The following DNAH11 variants were observed in gnomAD, a reference collection of about 807,000 sequenced individuals.
The protein encoded by DNAH11 is axonemal beta dynein heavy chain 11.
DNAH11 carries 442 observed loss-of-function variants against 526.0 expected under a neutral mutation model. The ratio of observed to expected loss-of-function variants is 0.84; its 90% confidence interval spans 0.78 to 0.91. DNAH11 has a LOEUF of 0.91. DNAH11 is among the 40% of genes least tolerant of loss of function. The pLI, the probability that DNAH11 is intolerant of heterozygous loss-of-function variation, is 0.00. For synonymous variants in DNAH11, 2,461 were observed against 1,935.9 expected (o/e 1.27, Z -7.12); for missense variants, 6,989 against 5,448.7 (o/e 1.28, Z -8.90).
At position 21,875,952 on chromosome 7, in the gene DNAH11, C is replaced by T. The variant is rs534892074; in HGVS notation, c.12195+2451C>T. On this transcript the variant is annotated intron_variant, in intron 74 of 81. Transcript: ENST00000409508. Reference sequence around the variant, plus strand: ...AGGCTGGAGTGCAGTGGTACGATCTCGGCTCACTGCAAGCTCCGCCTCCCA... The same window carrying T: ...AGGCTGGAGTGCAGTGGTACGATCTTGGCTCACTGCAAGCTCCGCCTCCCA... Among the ~76,000 whole-genome samples the T allele has an allele frequency of 9.3e-4, 128 of 137,484 alleles. 1 individual carries two copies. Among genetic ancestry groups the T allele is most frequent in the African/African-American group, 3.5e-3 (123 of 35,158 alleles). 90.2% of individuals were successfully genotyped at this position (137,484 alleles called of 152,430 possible).
chr7:21,738,561 G>T, intron 46 of DNAH11, 140 bp from the exon 47 acceptor site: 1 of 764,836 alleles, frequency 1.3e-6, no homozygotes, highest in Non-Finnish European at 2.0e-6. Context: ...CACATCCCGG[G>T]TCTCTTAACC....
intron 61 of DNAH11, among the ~76,000 whole-genome samples, chr7:21,795,181 T>G (rs1341652283): frequency 6.6e-6 from 1 of 152,198 alleles, no homozygotes; most frequent in Non-Finnish European, 1.5e-5. Context: ...TTTTTTTACA[T>G]TTAACATTTA....
chr7:21,593,261 C>T (rs989315658), intron 14 of DNAH11, among the ~76,000 whole-genome samples: 2 of 152,088 alleles, frequency 1.3e-5, no homozygotes, highest in Non-Finnish European at 2.9e-5. Context: ...AAAATAAAGA[C>T]GGAGGCTAAC....
chr7:21,759,990 G>C (rs1786824895), intron 54 of DNAH11, among the ~76,000 whole-genome samples: 1 of 152,170 alleles, frequency 6.6e-6, no homozygotes, highest in Non-Finnish European at 1.5e-5. Context: ...CTTTTTACTT[G>C]TGAGAATTTG....
intron 65 of DNAH11, among the ~76,000 whole-genome samples, chr7:21,838,403 A>G (rs895437165): frequency 2.6e-5 from 4 of 152,226 alleles, no homozygotes; most frequent in Admixed American, 2.6e-4. Context: ...CACATATTAT[A>G]TAATTCACCC....
chr7:21,652,041 C>T (rs1405315857), intron 28 of DNAH11, among the ~76,000 whole-genome samples: 1 of 152,090 alleles, frequency 6.6e-6, no homozygotes, highest in Non-Finnish European at 1.5e-5. Context: ...GGAAGTGTAG[C>T]AAAGAAATGA....
intron 25 of DNAH11, among the ~76,000 whole-genome samples, chr7:21,635,494 T>C (rs992510962): frequency 6.6e-6 from 1 of 152,070 alleles, no homozygotes; most frequent in Non-Finnish European, 1.5e-5. Context: ...CTATACAATC[T>C]TGGCATGACT....
At position 21,617,481 on chromosome 7, in the gene DNAH11, G is replaced by A. The variant is rs1785830997; in HGVS notation, c.4096-138G>A. On this transcript the variant is annotated intron_variant, in intron 22 of 81. Coordinates refer to ENST00000409508, the MANE Select transcript of DNAH11 (RefSeq NM_001277115.2). The stretch of plus-strand genomic sequence containing the variant: ...GATCCCTTTTCGTTTCTCTGGTTTT[G>A]CTCCTTGGTCTAGGAGTTCAAATGC... 6 of 981,274 alleles carry A rather than the reference G, an allele frequency of 6.1e-6. No homozygotes were observed. In the East Asian group the frequency reaches 1.6e-4, roughly 26 times the overall value. 60.8% of individuals were successfully genotyped at this position (981,274 alleles called of 1,614,324 possible).
intron 56 of DNAH11, among the ~76,000 whole-genome samples, chr7:21,776,935 CGTGTGTGTGT>C (rs3061429): frequency 1.3e-5 from 2 of 149,686 alleles, no homozygotes; most frequent in African/African-American, 2.5e-5. Flanking sequence ...TTTATTTGTA[CGTGTGTGTGT>C]GTGTGTGTGT....
intron 54 of DNAH11, among the ~76,000 whole-genome samples, chr7:21,763,352 A>G (rs7806006): frequency 3.6e-5 from 4 of 112,334 alleles, no homozygotes; most frequent in Admixed American, 9.8e-5. Context: ...AAAAAAAAAA[A>G]AAAAGAAAAA....
At chr7:21,642,041 A>C (rs1787153697) in intron 28 of DNAH11, among the ~76,000 whole-genome samples, 1 of 152,218 alleles carries the variant, frequency 6.6e-6, no homozygotes. Context: ...TAAAGGATCC[A>C]GTCCTGTGGC....
chr7:21,723,131 A>G (rs758361512), intron 44 of DNAH11, among the ~76,000 whole-genome samples: 4 of 152,242 alleles, frequency 2.6e-5, no homozygotes, highest in Non-Finnish European at 4.4e-5. Flanking sequence ...TATGCATGAA[A>G]CAGACACAAT....
intron 28 of DNAH11, 44 bp downstream of exon 28, chr7:21,639,109 A>T (rs1161441204): frequency 6.4e-7 from 1 of 1,560,466 alleles, no homozygotes; most frequent in Admixed American, 1.9e-5. Flanking sequence ...GTGTTAGCTG[A>T]GGAATGTCAT....
chr7:21,558,797 T>C lies in DNAH11; in HGVS notation c.496-5T>C, dbSNP rs375097413. ...ATTAATTTAACTATGTTTCTCTTTC[T>C]CTAGATTTTAGTGCCAGTTCTTTCT... is the stretch of plus-strand genomic sequence containing the variant. On this transcript the variant is annotated splice_polypyrimidine_tract_variant and splice_region_variant and intron_variant, in intron 2 of 81. Coordinates refer to ENST00000409508, the MANE Select transcript of DNAH11 (RefSeq NM_001277115.2). The C allele has an allele frequency of 4.0e-5, 62 of 1,566,830 alleles. 2 individuals carry two copies. The African/African-American group carries it at 4.8e-4, about 12-fold the overall frequency.
chr7:21,718,206 C>G (rs1404456898), intron 43 of DNAH11, among the ~76,000 whole-genome samples: 1 of 149,660 alleles, frequency 6.7e-6, no homozygotes, highest in Non-Finnish European at 1.5e-5. Flanking sequence ...TTTAGTATCC[C>G]CAGATAGCTC....
chr7:21,842,015 TA>T (rs1782221114), intron 65 of DNAH11, among the ~76,000 whole-genome samples: 1 of 152,224 alleles, frequency 6.6e-6, no homozygotes, highest in Non-Finnish European at 1.5e-5. Flanking sequence ...ATTAACCTTT[TA>T]AAATGTATAT....
At chr7:21,636,223 A>G in intron 26 of DNAH11, 128 bp downstream of exon 26, 1 of 724,458 alleles carries the variant, frequency 1.4e-6, no homozygotes, top group East Asian at 2.7e-5. Flanking sequence ...CTTTTCCTGC[A>G]AAGGGCCAGG....
intron 40 of DNAH11, among the ~76,000 whole-genome samples, chr7:21,708,483 G>A (rs919118783): frequency 3.3e-5 from 5 of 152,154 alleles, no homozygotes; most frequent in African/African-American, 1.2e-4. Flanking sequence ...TCCTCCTGCT[G>A]GTTTCCCTGC....
At chr7:21,812,995 C>T (rs144606563) in intron 63 of DNAH11, among the ~76,000 whole-genome samples, 203 of 152,124 alleles carry the variant, frequency 1.3e-3, no homozygotes, top group Middle Eastern at 6.8e-3. Flanking sequence ...GACTAAGATA[C>T]TGAAGGGTAT....
Sources: allele counts gnomAD v4.1 joint callset (sites outside exome capture counted in the v4.1 genomes callset), GRCh38; gene constraint gnomAD v4.1.1; transcripts MANE v1.5; gene names NCBI Gene and HGNC (gene_info 2026-07-23, HGNC 2026-07-21).